The following FOCAD variants were observed in gnomAD, a reference collection of about 807,000 sequenced individuals.
FOCAD encodes the protein focadhesin, also known as KIAA1797.
FOCAD carries 198 observed loss-of-function variants against 225.6 expected under a neutral mutation model. The ratio of observed to expected loss-of-function variants is 0.88; its 90% CI spans 0.78 to 0.99. The LOEUF is 0.99. Among genes scored for constraint, FOCAD ranks in the 50% least tolerant of loss-of-function variants. FOCAD has a pLI of 0.00. For synonymous variants in FOCAD, 897 were observed against 755.0 expected (o/e 1.19, Z -3.08); for missense variants, 2,713 against 2,123.6 (o/e 1.28, Z -5.46).
intron 1 of FOCAD, among the ~76,000 whole-genome samples, chr9:20,689,486 T>C (rs1822853212): frequency 6.6e-6 from 1 of 152,168 alleles, no homozygotes; most frequent in Admixed American, 6.5e-5. Context: ...TCTGGAAACA[T>C]TCTTCTGGGC....
At chr9:20,740,017 T>C (rs1185728776) in intron 4 of FOCAD, among the ~76,000 whole-genome samples, 1 of 152,160 alleles carries the variant, frequency 6.6e-6, no homozygotes, top group African/African-American at 2.4e-5. Flanking sequence ...AGGCAGATGA[T>C]TGATAAGTTG....
chr9:20,873,993 T>C (rs1270759667), intron 18 of FOCAD: 1 of 152,224 alleles, frequency 6.6e-6, no homozygotes, highest in Non-Finnish European at 1.5e-5. Flanking sequence ...TTAACAGTTA[T>C]ATCTTGTGAA....
chr9:20,896,962 G>T (rs1299795004), intron 21 of FOCAD: 2 of 151,768 alleles, frequency 1.3e-5, no homozygotes, highest in East Asian at 3.9e-4. Flanking sequence ...TTTTCTGCTT[G>T]TTGGATCTGT....
intron 2 of FOCAD, among the ~76,000 whole-genome samples, chr9:20,664,730 T>C (rs1448042422): frequency 6.6e-6 from 1 of 151,636 alleles, no homozygotes; most frequent in Non-Finnish European, 1.5e-5. Flanking sequence ...CCTCCTGACT[T>C]AGCATCCCAA....
intron 1 of FOCAD, among the ~76,000 whole-genome samples, chr9:20,700,583 A>C (rs537910726): frequency 6.6e-6 from 1 of 151,962 alleles, no homozygotes; most frequent in South Asian, 2.1e-4. Context: ...AAGAATTATC[A>C]TCAATTCCTA....
chr9:20,881,013 A>G lies in FOCAD; in HGVS notation c.2318-858A>G, dbSNP rs368676494. 7.2e-5 allele frequency among the ~76,000 whole-genome samples: 11 copies of G among 152,304 alleles called. No homozygotes were observed. In the East Asian group the frequency reaches 1.7e-3, roughly 24 times the overall value. On this transcript the variant is annotated intron_variant, in intron 19 of 43. Coordinates refer to ENST00000338382, the MANE Select transcript of FOCAD (RefSeq NM_001375567.1). ...CATCATATTTCTGTTATTATATAGTAAGTAAAATGTCAAATGATAAAGATC... is the reference window on the plus strand; with the variant it reads ...CATCATATTTCTGTTATTATATAGTGAGTAAAATGTCAAATGATAAAGATC...
chr9:20,822,658 A>G (rs1248040269), intron 14 of FOCAD, among the ~76,000 whole-genome samples: 1 of 152,038 alleles, frequency 6.6e-6, no homozygotes, highest in Non-Finnish European at 1.5e-5. Flanking sequence ...ATCTTTACTA[A>G]TCTCAATTAG....
At chr9:20,791,280 A>G (rs1413063891) in intron 11 of FOCAD, among the ~76,000 whole-genome samples, 3 of 151,410 alleles carry the variant, frequency 2.0e-5, no homozygotes, top group Admixed American at 2.0e-4. Context: ...TTGATCCAGC[A>G]TGATGCTTTA....
chr9:20,757,726 G>A (rs1435744722), intron 5 of FOCAD, among the ~76,000 whole-genome samples: 1 of 152,110 alleles, frequency 6.6e-6, no homozygotes, highest in Non-Finnish European at 1.5e-5. Flanking sequence ...AGCAGGAGGA[G>A]GAGGTGGCTT....
chr9:20,893,699 C>G (rs7862868), intron 21 of FOCAD, among the ~76,000 whole-genome samples: 1 of 151,932 alleles, frequency 6.6e-6, no homozygotes. Flanking sequence ...TTTGTAAAAA[C>G]AGACTTTATT....
At chr9:20,744,862 G>C (rs1827921119) in intron 5 of FOCAD, among the ~76,000 whole-genome samples, 1 of 152,122 alleles carries the variant, frequency 6.6e-6, no homozygotes, top group African/African-American at 2.4e-5. Context: ...TGTAGGGTAG[G>C]TAGACAAAAC....
At chr9:20,699,007 C>T (rs1310408980) in intron 1 of FOCAD, among the ~76,000 whole-genome samples, 3 of 152,176 alleles carry the variant, frequency 2.0e-5, no homozygotes, top group African/African-American at 7.2e-5. Context: ...CCAGACTGCC[C>T]ACCACAGAAT....
At chr9:20,944,461 T>G (rs1836976449) in intron 28 of FOCAD, among the ~76,000 whole-genome samples, 166 bp from the exon 29 acceptor site, 1 of 152,000 alleles carries the variant, frequency 6.6e-6, no homozygotes, top group Non-Finnish European at 1.5e-5. Context: ...AGGGGAGAGG[T>G]ATGTGTACTT....
At chr9:20,803,712 C>T (rs771733041) in intron 11 of FOCAD, among the ~76,000 whole-genome samples, 1 of 152,094 alleles carries the variant, frequency 6.6e-6, no homozygotes, top group Non-Finnish European at 1.5e-5. Context: ...CTAAAGAGAA[C>T]TTAATCTTGC....
intron 1 of FOCAD, among the ~76,000 whole-genome samples, chr9:20,707,666 C>G (rs768102737): frequency 1.3e-5 from 2 of 151,980 alleles, no homozygotes; most frequent in East Asian, 1.9e-4. Flanking sequence ...TCTTCACCTT[C>G]GTGTTGAGTA....
intron 35 of FOCAD, among the ~76,000 whole-genome samples, chr9:20,964,650 C>T (rs1292859301): frequency 6.6e-6 from 1 of 152,038 alleles, no homozygotes; most frequent in Non-Finnish European, 1.5e-5. Context: ...ATTCTCCTGC[C>T]TCAGCCTCCC....
chr9:20,788,209 T>A, intron 10 of FOCAD, among the ~76,000 whole-genome samples: 1 of 152,158 alleles, frequency 6.6e-6, no homozygotes, highest in East Asian at 1.9e-4. Flanking sequence ...AAGAAGCTGG[T>A]CACAAAGGAC....
chr9:20,890,693 G>T (rs1008479208), intron 21 of FOCAD, among the ~76,000 whole-genome samples: 8 of 152,098 alleles, frequency 5.3e-5, no homozygotes, highest in Non-Finnish European at 7.4e-5. Flanking sequence ...AAAGCAAGTT[G>T]TGTAGAGTTC....
chr9:20,668,945 C>A (rs962463523), intron 2 of FOCAD, among the ~76,000 whole-genome samples: 1 of 151,884 alleles, frequency 6.6e-6, no homozygotes, highest in Non-Finnish European at 1.5e-5. Context: ...GGTTAGCCTC[C>A]CCACCCATCT....
Sources: allele counts gnomAD v4.1 joint callset (sites outside exome capture counted in the v4.1 genomes callset), GRCh38; gene constraint gnomAD v4.1.1; transcripts MANE v1.5; gene names NCBI Gene and HGNC (gene_info 2026-07-23, HGNC 2026-07-21).